Variants in USP34 observed in about 807,000 individuals in gnomAD.
USP34 encodes ubiquitin carboxyl-terminal hydrolase 34.
Under a neutral mutation model 460.3 loss-of-function variants are expected in USP34, and 70 were observed. The observed-to-expected ratio is 0.15, with a 90% CI of 0.13 to 0.19. The LOEUF (loss-of-function observed/expected upper bound fraction) is 0.19. Ranked by LOEUF, USP34 falls within the 10% of genes least tolerant of loss-of-function variation. The pLI, the probability that USP34 is intolerant of heterozygous loss-of-function variation, is 1.00. For missense variants in USP34, 3,985 were observed against 4,236.2 expected (o/e 0.94, Z 1.65); for synonymous variants, 1,647 against 1,405.3 (o/e 1.17, Z -3.85).
chr2:61,292,750 G>A (rs1279542576), intron 33 of USP34, among the ~76,000 whole-genome samples: 1 of 152,094 alleles, frequency 6.6e-6, no homozygotes, highest in African/African-American at 2.4e-5. Flanking sequence ...GGAAGAAAAT[G>A]GAATGTCCTT....
At chr2:61,398,099 T>C (rs571612627) in intron 3 of USP34, among the ~76,000 whole-genome samples, 28 of 151,626 alleles carry the variant, frequency 1.8e-4, no homozygotes, top group Admixed American at 1.5e-3. Flanking sequence ...TTAGGTTGAG[T>C]GCAGTGGCTC....
At chr2:61,401,611 C>A (rs1486312837) in intron 3 of USP34, among the ~76,000 whole-genome samples, 2 of 132,700 alleles carry the variant, frequency 1.5e-5, no homozygotes, top group African/African-American at 2.9e-5. Flanking sequence ...TGCAGTGGCA[C>A]GATCTCAGCT....
At chr2:61,439,069 A>T (rs1256664420) in intron 1 of USP34, among the ~76,000 whole-genome samples, 1 of 152,258 alleles carries the variant, frequency 6.6e-6, no homozygotes, top group Non-Finnish European at 1.5e-5. Context: ...TTCATTTACA[A>T]TAGCTAGGAA....
intron 3 of USP34, among the ~76,000 whole-genome samples, chr2:61,403,074 T>C (rs1296432422): frequency 6.6e-6 from 1 of 152,140 alleles, no homozygotes; most frequent in Non-Finnish European, 1.5e-5. Flanking sequence ...TCTAATATAT[T>C]AATAGAATTT....
intron 75 of USP34, among the ~76,000 whole-genome samples, chr2:61,201,179 A>G (rs746837041): frequency 1.3e-5 from 2 of 151,358 alleles, no homozygotes; most frequent in Admixed American, 6.6e-5. Context: ...GCATGGTGGT[A>G]CAGTCAAAGA....
At chr2:61,361,832 C>A (rs1692283457) in intron 10 of USP34, among the ~76,000 whole-genome samples, 1 of 152,058 alleles carries the variant, frequency 6.6e-6, no homozygotes, top group Non-Finnish European at 1.5e-5. Flanking sequence ...ATCAAACCAA[C>A]AAGCTTCTGC....
chr2:61,199,889 T>C (rs1444975260), intron 75 of USP34: 1 of 152,390 alleles, frequency 6.6e-6, no homozygotes, highest in Admixed American at 6.5e-5. Flanking sequence ...AGGTCTGTGA[T>C]ATCTTGATAT....
intron 1 of USP34, among the ~76,000 whole-genome samples, chr2:61,450,169 G>A (rs979898132): frequency 6.6e-6 from 1 of 152,096 alleles, no homozygotes; most frequent in Non-Finnish European, 1.5e-5. Context: ...TATGCTAAGT[G>A]AAAGTAGGCA....
At chr2:61,206,964 T>C in intron 70 of USP34, 78 bp from the exon 71 acceptor site, 2 of 1,461,060 alleles carry the variant, frequency 1.4e-6, no homozygotes, top group Non-Finnish European at 1.9e-6. Flanking sequence ...ACTCGTCCTC[T>C]ACGATAGATG....
intron 62 of USP34, among the ~76,000 whole-genome samples, chr2:61,226,319 C>T (rs1392259350): frequency 6.6e-6 from 1 of 152,208 alleles, no homozygotes; most frequent in Non-Finnish European, 1.5e-5. Flanking sequence ...TGCATATGCA[C>T]ACGTCTGTGA....
intron 30 of USP34, 54 bp downstream of exon 30, chr2:61,296,746 G>C: frequency 6.4e-7 from 1 of 1,562,112 alleles, no homozygotes; most frequent in Non-Finnish European, 8.7e-7. Flanking sequence ...ACTGTCAATA[G>C]GAATGTAAAC....
In USP34 at chr2:61,342,587, T is replaced by C. The variant is rs561753430; in HGVS notation, c.2500+1228A>G. ...TCAGCCTTCCAAAGTGCTGGGATTA[T>C]AGGTGTGAGCCACCATGCCCAGCCC... On this transcript the variant is annotated intron_variant, in intron 16 of 79. Transcript: ENST00000398571. Among the ~76,000 whole-genome samples the C allele has an allele frequency of 1.1e-4, 16 of 152,066 alleles. No individual in the cohort carries two copies. In the East Asian group the frequency reaches 2.5e-3, roughly 24 times the overall value.
At chr2:61,441,109 CTGAG>C (rs1278687527) in intron 1 of USP34, among the ~76,000 whole-genome samples, 27 of 148,450 alleles carry the variant, frequency 1.8e-4, no homozygotes, top group Non-Finnish European at 3.1e-4. Flanking sequence ...GCCTGGACAA[CTGAG>C]TGAGAGCCGC....
chr2:61,187,968 C>G lies in USP34; in HGVS notation c.*134G>C. On this transcript the variant is annotated 3_prime_UTR_variant, in exon 80 of 80. Transcript: ENST00000398571. ...GAGTTCTGCCTGACCAAGAATTAAG[C>G]CTATAAATCTATCTTGCCATTCAAG... 1.4e-6 allele frequency: 2 copies of G among 1,449,398 alleles called. No individual in the cohort carries two copies. The highest frequency in any genetic ancestry group is 1.8e-6 in the Non-Finnish European group (2 of 1,100,510). 89.8% of individuals were successfully genotyped at this position (1,449,398 alleles called of 1,614,324 possible).
At chr2:61,413,813 A>C (rs886438889) in intron 2 of USP34, among the ~76,000 whole-genome samples, 1 of 145,792 alleles carries the variant, frequency 6.9e-6, no homozygotes, top group Non-Finnish European at 1.5e-5. Context: ...CCCCGTCTCT[A>C]CTAGATACTC....
At chr2:61,277,005 T>A (rs1689391671) in intron 41 of USP34, among the ~76,000 whole-genome samples, 1 of 152,172 alleles carries the variant, frequency 6.6e-6, no homozygotes, top group Admixed American at 6.6e-5. Context: ...TAAGGTAAGA[T>A]GAACTATTTA....
intron 10 of USP34, among the ~76,000 whole-genome samples, chr2:61,351,150 C>G (rs545627831): frequency 6.6e-6 from 1 of 151,880 alleles, no homozygotes; most frequent in Admixed American, 6.6e-5. Flanking sequence ...TCTCTTGATT[C>G]CAATGGAATT....
intron 1 of USP34, among the ~76,000 whole-genome samples, chr2:61,463,576 C>T (rs1558610400): frequency 6.6e-6 from 1 of 152,102 alleles, no homozygotes; most frequent in Admixed American, 6.6e-5. Context: ...GCTCACACCC[C>T]TAAACCCAAC....
At chr2:61,286,646 C>T (rs544156278) in intron 34 of USP34, among the ~76,000 whole-genome samples, 3 of 151,808 alleles carry the variant, frequency 2.0e-5, no homozygotes, top group Non-Finnish European at 4.4e-5. Flanking sequence ...CAGAGCTAGG[C>T]TCCGTCTCAA....
Sources: allele counts gnomAD v4.1 joint callset (sites outside exome capture counted in the v4.1 genomes callset), GRCh38; gene constraint gnomAD v4.1.1; transcripts MANE v1.5; gene names NCBI Gene and HGNC (gene_info 2026-07-23, HGNC 2026-07-21).